Variants in CHEK2 observed in about 807,000 individuals in gnomAD.
The protein encoded by CHEK2 is checkpoint kinase 2.
Under a neutral mutation model 69.1 loss-of-function variants are expected in CHEK2, and 71 were observed. The observed-to-expected ratio is 1.03, with a 90% CI of 0.85 to 1.25. The LOEUF (loss-of-function observed/expected upper bound fraction) is 1.25, where lower values mean the gene tolerates loss of function less well. Among genes scored for constraint, CHEK2 ranks in the 50% most tolerant of loss-of-function variants. CHEK2 has a pLI of 0.00. For missense variants in CHEK2, 664 were observed against 649.6 expected, an observed-to-expected ratio of 1.02 and a Z score of -0.24; for synonymous variants, 189 against 226.9, an observed-to-expected ratio of 0.83 and a Z score of 1.50.
rs748954413 is a variant in CHEK2, at chr22:28,687,960, A to C, written c.1569T>G (p.Arg523=). The C allele has an allele frequency of 1.3e-6, 2 of 1,596,362 alleles. No homozygotes were observed. Among genetic ancestry groups the C allele is most frequent in the South Asian group, 1.1e-5 (1 of 90,990 alleles). ...TCTCGGCACCCTCGGCTTCCCCTTC[A>C]CGGGGCCGCTTTCGACTAGTAGAAG... ...AQPSTSRKRP[R]EGEAEGAETT... Residue 523 remains arginine, a synonymous_variant, in exon 15 of 15, where the codon CGT becomes CGG. Coordinates refer to ENST00000404276, the MANE Select transcript of CHEK2 (RefSeq NM_007194.4).
intron 7 of CHEK2, among the ~76,000 whole-genome samples, chr22:28,705,571 A>G (rs1208941913): frequency 6.6e-6 from 1 of 152,136 alleles, no homozygotes; most frequent in African/African-American, 2.4e-5. Context: ...TATCATTTTT[A>G]TAAGATTCAG....
In CHEK2 at chr22:28,725,254, G is replaced by C. The variant is rs137853007; in HGVS notation, c.433C>G (p.Arg145Gly). The C allele has an allele frequency of 6.2e-7, 1 of 1,614,038 alleles. No homozygotes were observed. Among genetic ancestry groups the C allele is most frequent in the South Asian group, 1.1e-5 (1 of 91,082 alleles). The change falls in exon 3 of 15, where the codon CGG (arginine) becomes GGG (glycine). Residue 145 changes from arginine (R) to glycine (G), a missense_variant. Transcript: ENST00000404276. ...KYRTYSKKHF[R>G]IFREVGPKNS... ...TATTCATTACCTACCCTGAAAATCC[G>C]AAAGTGTTTCTTGCTGTATGTTCGG...
chr22:28,741,442 A>G (rs760984483), intron 1 of CHEK2, among the ~76,000 whole-genome samples: 6 of 152,080 alleles, frequency 3.9e-5, no homozygotes, highest in African/African-American at 7.2e-5. Flanking sequence ...TGGCTTCTCT[A>G]TAAGTATTTT....
intron 1 of CHEK2, among the ~76,000 whole-genome samples, chr22:28,736,699 G>C (rs2054416871): frequency 6.6e-6 from 1 of 152,128 alleles, no homozygotes; most frequent in African/African-American, 2.4e-5. Flanking sequence ...CAGCACTTTG[G>C]GAGGCCAAGG....
intron 2 of CHEK2, among the ~76,000 whole-genome samples, chr22:28,731,594 T>C (rs1309549153): frequency 6.6e-6 from 1 of 152,022 alleles, no homozygotes; most frequent in East Asian, 1.9e-4. Context: ...AGACTCCGTC[T>C]CAAATAATAA....
chr22:28,702,426 G>A (rs2066164414), intron 8 of CHEK2, among the ~76,000 whole-genome samples: 1 of 151,162 alleles, frequency 6.6e-6, no homozygotes, highest in Admixed American at 6.6e-5. Flanking sequence ...TTTTAGTAGA[G>A]ACAGGGTTTC....
rs750984976 is a variant in CHEK2 at position 28,699,879 on chromosome 22, T to G, written c.967A>C (p.Thr323Pro). Residue 323 changes from threonine (T) to proline (P), a missense_variant, in exon 9 of 15, where the codon ACC becomes CCC. By Grantham distance (38) the Thr-to-Pro change is conservative. Transcript: ENST00000404276. Reference sequence around the variant, plus strand: ...ATCTGGTAAAAATAGAGCTTGCAGGTAGCTTCTTTCAGGCGTTTATTCCCC... The same window carrying G: ...ATCTGGTAAAAATAGAGCTTGCAGGGAGCTTCTTTCAGGCGTTTATTCCCC... ...VVGNKRLKEA[T>P]CKLYFYQMLL... 1.2e-6 allele frequency: 2 copies of G among 1,614,090 alleles called. No individual in the cohort carries two copies. Among genetic ancestry groups the G allele is most frequent in the Non-Finnish European group, 1.7e-6 (2 of 1,179,978 alleles).
In CHEK2 at chr22:28,722,397, G is replaced by A. The variant is rs181307338; in HGVS notation, c.592+2580C>T. ...CTACTAAAAATACAAAAAATTAGCC[G>A]GGCGCAGTGGCGGGCGCCTATAGTC... On this transcript the variant is annotated intron_variant, in intron 4 of 14. Coordinates refer to ENST00000404276, the MANE Select transcript of CHEK2 (RefSeq NM_007194.4). Among the ~76,000 whole-genome samples the A allele has an allele frequency of 7.4e-3, 1,127 of 151,990 alleles. 16 individuals carry two copies. Among genetic ancestry groups the A allele is most frequent in the African/African-American group, 0.026 (1,086 of 41,476 alleles).
chr22:28,731,589 C>G (rs1021775423), intron 2 of CHEK2, among the ~76,000 whole-genome samples: 4 of 152,086 alleles, frequency 2.6e-5, no homozygotes, highest in African/African-American at 9.7e-5. Context: ...GAGTGAGACT[C>G]CGTCTCAAAT....
chr22:28,726,653 T>C (rs921357831), intron 2 of CHEK2, among the ~76,000 whole-genome samples: 2 of 148,608 alleles, frequency 1.3e-5, no homozygotes, highest in African/African-American at 2.5e-5. Context: ...TATAAAACCG[T>C]GAAATAACAA....
At chr22:28,738,094 C>T (rs1452447961) in intron 1 of CHEK2, 2 of 152,240 alleles carry the variant, frequency 1.3e-5, no homozygotes, top group Non-Finnish European at 2.9e-5. Flanking sequence ...GTAGTCCCAG[C>T]TACTTGGGAA....
intron 13 of CHEK2, among the ~76,000 whole-genome samples, chr22:28,691,891 C>A (rs574962491): frequency 6.6e-6 from 1 of 152,292 alleles, no homozygotes; most frequent in South Asian, 2.1e-4. Flanking sequence ...CCCACAAAAC[C>A]ATTTGGTTTT....
intron 13 of CHEK2, among the ~76,000 whole-genome samples, chr22:28,692,753 A>T (rs1292809247): frequency 6.6e-6 from 1 of 152,202 alleles, no homozygotes; most frequent in Non-Finnish European, 1.5e-5. Context: ...GTCCCTACCC[A>T]AATCTCATCT....
intron 5 of CHEK2, among the ~76,000 whole-genome samples, 194 bp downstream of exon 5, chr22:28,719,201 G>T (rs1021842831): frequency 4.6e-5 from 7 of 151,522 alleles, no homozygotes; most frequent in African/African-American, 1.5e-4. Context: ...GTCTCACAAA[G>T]AAATAAAATA....
Position 28,725,375 on chromosome 22 carries a change from A to G in CHEK2, c.320-8T>C, listed in dbSNP as rs2146072389. 1.2e-6 allele frequency: 2 copies of G among 1,614,108 alleles called. No homozygotes were observed. The highest frequency in any genetic ancestry group is 1.7e-6 in the Non-Finnish European group (2 of 1,180,016). ...AGTTGTCATTCACACATTCTGTAATATAAAAGCATGCATCAGAGGGCTGTT... is the reference window on the plus strand; with the variant it reads ...AGTTGTCATTCACACATTCTGTAATGTAAAAGCATGCATCAGAGGGCTGTT... On this transcript the variant is annotated splice_polypyrimidine_tract_variant and splice_region_variant and intron_variant, in intron 2 of 14. Transcript: ENST00000404276.
intron 9 of CHEK2, among the ~76,000 whole-genome samples, chr22:28,698,575 G>A (rs188684393): frequency 2.6e-5 from 4 of 152,132 alleles, no homozygotes; most frequent in South Asian, 2.1e-4. Flanking sequence ...AATTTCTCTC[G>A]ATCCTCACTC....
At chr22:28,726,174 G>C (rs1426834970) in intron 2 of CHEK2, 1 of 151,976 alleles carries the variant, frequency 6.6e-6, no homozygotes, top group African/African-American at 2.4e-5. Context: ...CTGCACTCCA[G>C]CCTGGACGAC....
In CHEK2 at chr22:28,724,659, C is replaced by T. The variant is rs370893846; in HGVS notation, c.592+318G>A. On this transcript the variant is annotated intron_variant, in intron 4 of 14. Transcript: ENST00000404276. ...TTGGCTCACTGCAACCTCTGCCTCC[C>T]GGGTTCAAGCGATTCTCCTGCCTCA... 9 of 373,674 alleles carry T rather than the reference C, an allele frequency of 2.4e-5. No individual in the cohort carries two copies. In the East Asian group the frequency reaches 2.6e-4, roughly 11 times the overall value. 23.1% of individuals were successfully genotyped at this position (373,674 alleles called of 1,614,324 possible).
At position 28,725,223 on chromosome 22, in the gene CHEK2, C is replaced by T. The variant is rs755989738; in HGVS notation, c.444+20G>A. ...ACCAAATTACCAGCTCTCCTAGATACATGGGTATTCATTACCTACCCTGAA... is the reference window on the plus strand; with the variant it reads ...ACCAAATTACCAGCTCTCCTAGATATATGGGTATTCATTACCTACCCTGAA... On this transcript the variant is annotated intron_variant, in intron 3 of 14. Coordinates refer to ENST00000404276, the MANE Select transcript of CHEK2 (RefSeq NM_007194.4). 1.2e-6 allele frequency: 2 copies of T among 1,613,986 alleles called. No homozygotes were observed. Among genetic ancestry groups the T allele is most frequent in the East Asian group, 2.2e-5 (1 of 44,848 alleles).
Sources: allele counts gnomAD v4.1 joint callset (sites outside exome capture counted in the v4.1 genomes callset), GRCh38; gene constraint gnomAD v4.1.1; transcripts MANE v1.5; gene names NCBI Gene and HGNC (gene_info 2026-07-23, HGNC 2026-07-21).